ABTB3: variants seen among roughly 807,000 people sequenced by gnomAD.
The protein encoded by ABTB3 is ankyrin repeat- and BTB/POZ domain-containing protein 3.
At chr12:107,481,929 T>TCTCTCTA in the ABTB3 span, among the ~76,000 whole-genome samples, 1 of 51,772 alleles carries the variant, frequency 1.9e-5, no homozygotes. Context: ...CTCTCTCTCT[T>TCTCTCTA]TCTTTCTCCC....
chr12:107,586,326 C>T, the ABTB3 span, among the ~76,000 whole-genome samples: 1 of 152,202 alleles, frequency 6.6e-6, no homozygotes, highest in East Asian at 1.9e-4. Flanking sequence ...TTTCCCTCCA[C>T]AGGTCACCTG....
the ABTB3 span, among the ~76,000 whole-genome samples, chr12:107,381,207 G>T: frequency 5.3e-5 from 8 of 152,210 alleles, no homozygotes; most frequent in South Asian, 2.1e-4. Flanking sequence ...GGTCTGCATA[G>T]GTGGAGACTT....
the ABTB3 span, among the ~76,000 whole-genome samples, chr12:107,358,680 C>A: frequency 6.6e-6 from 1 of 152,116 alleles, no homozygotes; most frequent in Non-Finnish European, 1.5e-5. Flanking sequence ...CCACAACCTC[C>A]GCCTCCCAGG....
the ABTB3 span, among the ~76,000 whole-genome samples, chr12:107,351,629 A>T: frequency 2.0e-5 from 3 of 152,242 alleles, no homozygotes; most frequent in South Asian, 6.2e-4. Context: ...TAAAAGGTTG[A>T]GTTTGGCCCC....
At chr12:107,637,597 C>T in the ABTB3 span, among the ~76,000 whole-genome samples, 1 of 152,038 alleles carries the variant, frequency 6.6e-6, no homozygotes, top group African/African-American at 2.4e-5. Context: ...CTCAAGCTAG[C>T]ATAACTAAAG....
At chr12:107,635,403 C>G in the ABTB3 span, 3 of 1,610,426 alleles carry the variant, frequency 1.9e-6, no homozygotes, top group African/African-American at 2.7e-5. Context: ...GAGTGGTTCC[C>G]CCAGGCCTGT....
At chr12:107,629,849 T>G in the ABTB3 span, among the ~76,000 whole-genome samples, 1 of 152,144 alleles carries the variant, frequency 6.6e-6, no homozygotes, top group African/African-American at 2.4e-5. Context: ...TGTCTTTGGG[T>G]TTTGATCCAG....
the ABTB3 span, among the ~76,000 whole-genome samples, chr12:107,450,113 A>G: frequency 2.0e-5 from 3 of 152,046 alleles, no homozygotes; most frequent in East Asian, 3.9e-4. Flanking sequence ...TGAACAGCTC[A>G]CAGAGACTGG....
the ABTB3 span, among the ~76,000 whole-genome samples, chr12:107,492,643 A>G: frequency 2.0e-5 from 3 of 152,084 alleles, no homozygotes; most frequent in Non-Finnish European, 4.4e-5. Context: ...AGCCTCCTTC[A>G]TAGACACTTC....
chr12:107,607,699 G>T, the ABTB3 span, among the ~76,000 whole-genome samples: 5 of 152,124 alleles, frequency 3.3e-5, no homozygotes, highest in African/African-American at 1.2e-4. Context: ...AGCTCCCCCT[G>T]GTGGCCAGAA....
chr12:107,494,090 T>C, the ABTB3 span, among the ~76,000 whole-genome samples: 1 of 152,060 alleles, frequency 6.6e-6, no homozygotes, highest in Non-Finnish European at 1.5e-5. Flanking sequence ...TTTACAAAAA[T>C]AGGAATTGAG....
chr12:107,491,175 T>C, the ABTB3 span, among the ~76,000 whole-genome samples: 1 of 152,168 alleles, frequency 6.6e-6, no homozygotes, highest in East Asian at 1.9e-4. Context: ...CATCTGTTCA[T>C]CTGTTCTTCC....
the ABTB3 span, among the ~76,000 whole-genome samples, chr12:107,504,574 G>A: frequency 6.6e-5 from 10 of 152,142 alleles, no homozygotes; most frequent in East Asian, 1.9e-4. Context: ...TACTTAACAC[G>A]AAGGCTTGGT....
chr12:107,520,802 GT>G, the ABTB3 span, among the ~76,000 whole-genome samples: 8 of 152,104 alleles, frequency 5.3e-5, no homozygotes, highest in Non-Finnish European at 7.4e-5. Flanking sequence ...TGCCAGTGGC[GT>G]GGGGAAGGTA....
At chr12:107,363,055 A>G in the ABTB3 span, among the ~76,000 whole-genome samples, 1 of 152,104 alleles carries the variant, frequency 6.6e-6, no homozygotes, top group Non-Finnish European at 1.5e-5. Flanking sequence ...GCATCACCAG[A>G]CTTTTGAAAG....
chr12:107,483,844 G>A, the ABTB3 span, among the ~76,000 whole-genome samples: 4 of 152,040 alleles, frequency 2.6e-5, no homozygotes, highest in Non-Finnish European at 5.9e-5. Flanking sequence ...ATGCCAGTAT[G>A]CTTGGCTAAT....
chr12:107,620,413 G>A, the ABTB3 span, among the ~76,000 whole-genome samples: 5 of 152,176 alleles, frequency 3.3e-5, no homozygotes, highest in African/African-American at 1.2e-4. Flanking sequence ...CTAACTCAAG[G>A]AACTTGCAGA....
the ABTB3 span, chr12:107,318,916 G>T: frequency 6.4e-7 from 1 of 1,563,732 alleles, no homozygotes; most frequent in South Asian, 1.2e-5. Context: ...GCTCCCAGGC[G>T]GCTGCAGCAT....
At chr12:107,483,299 T>C in the ABTB3 span, among the ~76,000 whole-genome samples, 1 of 152,134 alleles carries the variant, frequency 6.6e-6, no homozygotes, top group Non-Finnish European at 1.5e-5. Flanking sequence ...TGCCTCAGCC[T>C]CCCAAAGTGC....
Sources: gnomAD v4.1 joint callset for allele counts (sites outside exome capture counted in the v4.1 genomes callset) on GRCh38, gnomAD v4.1.1 for gene constraint, MANE v1.5 for transcripts, NCBI Gene and HGNC (gene_info 2026-07-23, HGNC 2026-07-21) for gene names.